Variants in SPIN1 observed in about 807,000 individuals in gnomAD.
SPIN1 encodes spindlin 1.
SPIN1 carries 3 observed loss-of-function variants against 26.0 expected under a neutral mutation model. The ratio of observed to expected loss-of-function variants is 0.12; its 90% CI spans 0.05 to 0.30. SPIN1 has a LOEUF of 0.30. Ranked by LOEUF, SPIN1 falls within the 10% of genes least tolerant of loss-of-function variation. The pLI, the probability that SPIN1 is intolerant of heterozygous loss-of-function variation, is 1.00. For synonymous variants in SPIN1, 101 were observed against 116.5 expected (o/e 0.87, Z 0.86); for missense variants, 126 against 333.4 (o/e 0.38, Z 4.84).
intron 2 of SPIN1, among the ~76,000 whole-genome samples, chr9:88,430,257 G>GA (rs1827842926): frequency 6.6e-6 from 1 of 152,198 alleles, no homozygotes; most frequent in Admixed American, 6.5e-5. Flanking sequence ...GGGCTGATAG[G>GA]ACTTAAATAG....
chr9:88,411,555 C>A, intron 1 of SPIN1: 1 of 619,936 alleles, frequency 1.6e-6, no homozygotes, highest in Non-Finnish European at 2.8e-6. Context: ...ACTTTGTCAC[C>A]CAGGCTAGAG....
At chr9:88,425,060 CTTT>C (rs1587790074) in intron 1 of SPIN1, among the ~76,000 whole-genome samples, 1 of 152,162 alleles carries the variant, frequency 6.6e-6, no homozygotes, top group Non-Finnish European at 1.5e-5. Flanking sequence ...TGCAAACCAT[CTTT>C]TTGGGGGAGC....
intron 2 of SPIN1, among the ~76,000 whole-genome samples, chr9:88,439,103 G>A (rs145822456): frequency 0.021 from 3,175 of 152,294 alleles, 55 homozygotes; most frequent in Middle Eastern, 0.051. Context: ...AGAATTGTAG[G>A]TGGAGAGTAA....
At chr9:88,394,438 T>C (rs1827009067) in intron 1 of SPIN1, among the ~76,000 whole-genome samples, 1 of 152,214 alleles carries the variant, frequency 6.6e-6, no homozygotes, top group African/African-American at 2.4e-5. Flanking sequence ...TGGACAGCCA[T>C]GGGAAGCATA....
rs1827032464 is a variant in SPIN1, at chr9:88,395,388, A to T, written c.-159+6850A>T. ...CACACTGCTCCCTTTTACTTAATTT[A>T]TTCTGGAGAGCGCTTCATTGAAGTG... On this transcript the variant is annotated intron_variant, in intron 1 of 5. Coordinates refer to ENST00000375859, the MANE Select transcript of SPIN1 (RefSeq NM_006717.3). Among the ~76,000 whole-genome samples the T allele has an allele frequency of 1.3e-5, 2 of 151,978 alleles. 1 individual carries two copies. The highest frequency in any genetic ancestry group is 1.3e-4 in the Admixed American group (2 of 15,196).
At position 88,477,960 on chromosome 9, in the gene SPIN1, A is replaced by C. The variant is rs1465627165; in HGVS notation, c.*2683A>C. 6.6e-6 allele frequency: 1 copy of C among 152,136 alleles called. No individual in the cohort carries two copies. The highest frequency in any genetic ancestry group is 2.4e-5 in the African/African-American group (1 of 41,424). The allele number at this position is 152,136 out of a possible 1,614,324, so 9.4% of individuals were successfully genotyped here. ...AGAATGTTCAATGTAACTGACTAAA[A>C]TTGCATGTTAAAGATATTTAGGTTT... On this transcript the variant is annotated 3_prime_UTR_variant, in exon 6 of 6. Coordinates refer to ENST00000375859, the MANE Select transcript of SPIN1 (RefSeq NM_006717.3).
At chr9:88,456,726 C>A (rs147302380) in intron 3 of SPIN1, among the ~76,000 whole-genome samples, 4 of 151,966 alleles carry the variant, frequency 2.6e-5, no homozygotes, top group Non-Finnish European at 5.9e-5. Context: ...TCTACAAATA[C>A]GAACACCAAG....
chr9:88,469,289 G>T (rs1564045270), intron 5 of SPIN1, among the ~76,000 whole-genome samples: 1 of 152,196 alleles, frequency 6.6e-6, no homozygotes, highest in Non-Finnish European at 1.5e-5. Flanking sequence ...CTTTGCCGCT[G>T]CTCACCTCCT....
At chr9:88,469,183 C>T (rs1390813822) in intron 5 of SPIN1, among the ~76,000 whole-genome samples, 1 of 152,154 alleles carries the variant, frequency 6.6e-6, no homozygotes, top group African/African-American at 2.4e-5. Flanking sequence ...AACTTAGATT[C>T]TTCACATGCG....
chr9:88,418,296 G>A lies in SPIN1; in HGVS notation c.-158-8086G>A, dbSNP rs554119704. 3.4e-3 allele frequency among the ~76,000 whole-genome samples: 511 copies of A among 152,294 alleles called. 3 individuals carry two copies. Among genetic ancestry groups the A allele is most frequent in the Non-Finnish European group, 5.6e-3 (380 of 68,028 alleles). On this transcript the variant is annotated intron_variant, in intron 1 of 5. Coordinates refer to ENST00000375859, the MANE Select transcript of SPIN1 (RefSeq NM_006717.3). ...TCTCATTAGCATAAAAAAGACACTG[G>A]TATTCCTAGAGTTTTAGGAATTTGG...
chr9:88,435,490 A>G (rs1587796942), intron 2 of SPIN1, among the ~76,000 whole-genome samples: 1 of 152,136 alleles, frequency 6.6e-6, no homozygotes. Flanking sequence ...GCAATAAAAT[A>G]TGTAAAGAGT....
intron 1 of SPIN1, chr9:88,410,745 A>G: frequency 1.5e-6 from 2 of 1,326,052 alleles, no homozygotes; most frequent in Non-Finnish European, 2.1e-6. Flanking sequence ...AATTGCTTCC[A>G]CCATTACCAA....
Position 88,475,175 on chromosome 9 carries a change from T to C in SPIN1, c.687T>C (p.Thr229=). 1.2e-6 allele frequency: 2 copies of C among 1,613,670 alleles called. No individual in the cohort carries two copies. Among genetic ancestry groups the C allele is most frequent in the Non-Finnish European group, 8.5e-7 (1 of 1,179,952 alleles). Residue 229 remains threonine, a synonymous_variant, in exon 6 of 6, where the codon ACT becomes ACC. Transcript: ENST00000375859. ...EYAKEDGSKR[T]GMVIHQVEAK... Reference sequence around the variant, plus strand: ...CCAAAGAAGATGGCTCGAAAAGGACTGGCATGGTCATTCATCAAGTAGAAG... The same window carrying C: ...CCAAAGAAGATGGCTCGAAAAGGACCGGCATGGTCATTCATCAAGTAGAAG...
intron 4 of SPIN1, among the ~76,000 whole-genome samples, chr9:88,463,376 C>CT (rs1006288610): frequency 3.3e-5 from 5 of 152,006 alleles, no homozygotes; most frequent in Non-Finnish European, 7.4e-5. Context: ...ACTAATATTA[C>CT]TTTTTTTTGA....
rs200652354 is a variant in SPIN1, at chr9:88,467,852, A to AG, written c.356-520_356-519insG. Among the ~76,000 whole-genome samples, 1,058 of 146,440 alleles carry AG rather than the reference A, an allele frequency of 7.2e-3. 9 individuals are homozygous for AG. The highest frequency in any genetic ancestry group is 0.025 in the African/African-American group (985 of 39,302). Reference sequence around the variant, plus strand: ...AACAAACACCAATTTCTTTAAAAAAAAAAAACAAAAAAAAAACCCTCTGTG... The same window carrying AG: ...AACAAACACCAATTTCTTTAAAAAAAGAAAAACAAAAAAAAAACCCTCTGTG... On this transcript the variant is annotated intron_variant, in intron 4 of 5. Transcript: ENST00000375859.
chr9:88,418,903 G>A (rs989133974), intron 1 of SPIN1: 1 of 152,176 alleles, frequency 6.6e-6, no homozygotes, highest in African/African-American at 2.4e-5. Flanking sequence ...TCATGGTTGT[G>A]AGGAGTGCAT....
At chr9:88,428,874 TTC>T (rs748972418) in intron 2 of SPIN1, among the ~76,000 whole-genome samples, 1 of 152,164 alleles carries the variant, frequency 6.6e-6, no homozygotes, top group Non-Finnish European at 1.5e-5. Context: ...TTCTTGCCTA[TTC>T]TCTCTTTCTT....
chr9:88,402,022 G>A (rs10117686), intron 1 of SPIN1, among the ~76,000 whole-genome samples: 10,058 of 152,086 alleles, frequency 0.066, 1,087 homozygotes, highest in African/African-American at 0.23. Context: ...ATGGAGTCTC[G>A]CTCTGTTGCT....
chr9:88,392,605 CTCCT>C (rs768129803), intron 1 of SPIN1, among the ~76,000 whole-genome samples: 2 of 151,784 alleles, frequency 1.3e-5, no homozygotes, highest in African/African-American at 4.8e-5. Flanking sequence ...CCTTCCTTCC[CTCCT>C]TCCTTCCTTC....
Sources: allele counts gnomAD v4.1 joint callset (sites outside exome capture counted in the v4.1 genomes callset), GRCh38; gene constraint gnomAD v4.1.1; transcripts MANE v1.5; gene names NCBI Gene and HGNC (gene_info 2026-07-23, HGNC 2026-07-21).